Variants in KLHL36 observed in about 807,000 individuals in gnomAD.
KLHL36 encodes the protein kelch-like protein 36.
A neutral mutation model predicts 53.3 loss-of-function variants in KLHL36; 35 were observed. That is an observed-to-expected ratio of 0.66 (90% CI 0.50 to 0.87). KLHL36 has a LOEUF of 0.87. Among genes scored for constraint, KLHL36 ranks in the 40% least tolerant of loss-of-function variants. KLHL36 has a pLI of 0.00. For synonymous variants in KLHL36, 472 were observed against 398.9 expected (o/e 1.18, Z -2.18); for missense variants, 864 against 897.6 (o/e 0.96, Z 0.48).
rs1907820332 is a variant in KLHL36, at chr16:84,666,111, C to G, written c.*3978C>G. ...TAAATGCCTGGAGTATAGGGCAGCG[C>G]CACGGGCACTTGGAGACCCTGTCCT... On this transcript the variant is annotated 3_prime_UTR_variant, in exon 5 of 5. Transcript: ENST00000564996. 1 of 152,228 alleles carries G rather than the reference C, an allele frequency of 6.6e-6. No homozygotes were observed. The highest frequency in any genetic ancestry group is 2.1e-4 in the South Asian group (1 of 4,828). The allele number at this position is 152,228 out of a possible 1,614,324, so 9.4% of individuals were successfully genotyped here. A position where few individuals can be genotyped will look rare whatever the true frequency, so the allele number is the denominator to read the frequency against.
At chr16:84,650,787 G>C (rs919988503) in intron 1 of KLHL36, 65 bp from the exon 2 acceptor site, 5 of 1,160,412 alleles carry the variant, frequency 4.3e-6, no homozygotes, top group Non-Finnish European at 3.8e-6. Context: ...CTGCTAGCAG[G>C]GCCTGAAATT....
intron 1 of KLHL36, among the ~76,000 whole-genome samples, chr16:84,649,628 G>A (rs2150715966): frequency 6.6e-6 from 1 of 152,358 alleles, no homozygotes; most frequent in East Asian, 1.9e-4. Flanking sequence ...TTGTCACAAA[G>A]TTTCTAGTTT....
intron 3 of KLHL36, chr16:84,658,361 G>C (rs1234354681): frequency 1.3e-5 from 2 of 157,318 alleles, no homozygotes; most frequent in African/African-American, 4.8e-5. Flanking sequence ...CTACCCTATT[G>C]GACAGTAGCA....
Position 84,661,709 on chromosome 16 carries a change from G to A in KLHL36, c.1427G>A (p.Arg476Gln), listed in dbSNP as rs550431661. The change falls in exon 5 of 5, where the codon CGG (arginine) becomes CAG (glutamine). Residue 476 changes from arginine to glutamine, a missense_variant. Arg to Gln is a conservative substitution (Grantham distance 43). Coordinates refer to ENST00000564996, the MANE Select transcript of KLHL36 (RefSeq NM_024731.4). This position sits in a 1 kb window ranked among gnomAD's most constrained non-coding sequence, Gnocchi z 7.9. ...YDHRTDVWEE[R>Q]RPMTTARGWH... ...CACCGGACAGACGTGTGGGAGGAGC[G>A]GCGGCCCATGACCACGGCGCGCGGC... is the stretch of plus-strand genomic sequence containing the variant. The A allele has an allele frequency of 4.6e-5, 74 of 1,613,552 alleles. No individual in the cohort carries two copies. The highest frequency in any genetic ancestry group is 8.3e-5 in the Admixed American group (5 of 60,026).
intron 2 of KLHL36, among the ~76,000 whole-genome samples, chr16:84,653,984 G>A (rs1167850431): frequency 6.6e-6 from 1 of 152,208 alleles, no homozygotes; most frequent in Non-Finnish European, 1.5e-5. Flanking sequence ...CAGAAACCCA[G>A]TTTTGGAAAC....
Position 84,663,608 on chromosome 16 carries a change from C to T in KLHL36, c.*1475C>T, listed in dbSNP as rs945194286. ...CAATCCTAGTCTAACACCAGTCTTC[C>T]TGCAGACAGTTCCGAGAGCAGGTCT... On this transcript the variant is annotated 3_prime_UTR_variant, in exon 5 of 5. Coordinates refer to ENST00000564996, the MANE Select transcript of KLHL36 (RefSeq NM_024731.4). 6.6e-6 allele frequency: 1 copy of T among 152,192 alleles called. No individual in the cohort carries two copies. Among genetic ancestry groups the T allele is most frequent in the South Asian group, 2.1e-4 (1 of 4,830 alleles). The allele number at this position is 152,192 out of a possible 1,614,324, so 9.4% of individuals were successfully genotyped here. A position where few individuals can be genotyped will look rare whatever the true frequency, so the allele number is the denominator to read the frequency against.
At chr16:84,656,574 G>A (rs1168438385) in intron 2 of KLHL36, among the ~76,000 whole-genome samples, 3 of 149,720 alleles carry the variant, frequency 2.0e-5, no homozygotes, top group Admixed American at 6.7e-5. Flanking sequence ...AGAGGTTGCA[G>A]TGAGCTGAGG....
Position 84,657,456 on chromosome 16 carries a change from T to C in KLHL36, c.649T>C (p.Trp217Arg), listed in dbSNP as rs779820633. The C allele has an allele frequency of 2.5e-6, 4 of 1,606,732 alleles. No homozygotes were observed. Among genetic ancestry groups the C allele is most frequent in the Non-Finnish European group, 3.4e-6 (4 of 1,179,930 alleles). The change falls in exon 3 of 5, where the codon TGG becomes CGG. Residue 217 changes from tryptophan (W) to arginine (R), a missense_variant. Physicochemically the swap from Trp to Arg is moderately radical, Grantham distance 101. Coordinates refer to ENST00000564996, the MANE Select transcript of KLHL36 (RefSeq NM_024731.4). ...CGACCTCCTGCAGGCCGCCCTGCAG[T>C]GGCTGACGCAGCAGCCCGAGCGCGA... ...EHDLLQAALQWLTQQPEREAH... is the reference protein window; with the variant it reads ...EHDLLQAALQRLTQQPEREAH...
rs763915614 is a variant in KLHL36, at chr16:84,659,879, C to G, written c.1257C>G (p.Pro419=). Residue 419 remains proline (P), a synonymous_variant, in exon 4 of 5, where the codon CCC becomes CCG. Transcript: ENST00000564996. The part of the protein sequence containing the change: ...GALSSVETYS[P]KTDSWSYVAG... ...TCTCTTCAGTAGAGACGTACAGTCC[C>G]AAGACTGACTCCTGGTCCTATGTGG... The G allele has an allele frequency of 4.3e-6, 7 of 1,613,388 alleles. No individual in the cohort carries two copies. Among genetic ancestry groups the G allele is most frequent in the Non-Finnish European group, 5.9e-6 (7 of 1,179,428 alleles).
In KLHL36 at chr16:84,650,740, T is replaced by C. The variant is rs926638310; in HGVS notation, c.-16-112T>C. On this transcript the variant is annotated intron_variant, in intron 1 of 4. Coordinates refer to ENST00000564996, the MANE Select transcript of KLHL36 (RefSeq NM_024731.4). ...TAGTGCACGGTCCTCCCTCCCTCCT[T>C]CTTCCGTGTGACTGTTTTCACTGTC... 1.5e-5 allele frequency: 11 copies of C among 738,148 alleles called. No individual in the cohort carries two copies. The East Asian group carries it at 2.2e-4, about 15-fold the overall frequency. 45.7% of individuals were successfully genotyped at this position (738,148 alleles called of 1,614,324 possible).
At position 84,663,986 on chromosome 16, in the gene KLHL36, C is replaced by T. The variant is rs550072274; in HGVS notation, c.*1853C>T. ...CTGTTGAGAGGTTCTGCGAGGCATA[C>T]AAACAAACAGACCAAAAGGCTGGAA... On this transcript the variant is annotated 3_prime_UTR_variant, in exon 5 of 5. Coordinates refer to ENST00000564996, the MANE Select transcript of KLHL36 (RefSeq NM_024731.4). The T allele has an allele frequency of 6.6e-6, 1 of 152,326 alleles. No homozygotes were observed. Among genetic ancestry groups the T allele is most frequent in the Admixed American group, 6.5e-5 (1 of 15,296 alleles). The allele number at this position is 152,326 out of a possible 1,614,324, so 9.4% of individuals were successfully genotyped here.
chr16:84,656,640 AAAAAG>A lies in KLHL36; in HGVS notation c.64-227_64-223del, dbSNP rs1307788050. On this transcript the variant is annotated intron_variant, in intron 2 of 4. Coordinates refer to ENST00000564996, the MANE Select transcript of KLHL36 (RefSeq NM_024731.4). The stretch of plus-strand genomic sequence containing the variant: ...GAGCAAGGCTCTGTGTCAAAAAAAA[AAAAAG>A]AAAGAAAGAAAGAAAGAAGTTATAT... Among the ~76,000 whole-genome samples, 299 of 150,526 alleles carry A rather than the reference AAAAAG, an allele frequency of 2.0e-3. 1 individual carries two copies. Among genetic ancestry groups the A allele is most frequent in the African/African-American group, 5.2e-3 (210 of 40,662 alleles).
At chr16:84,656,789 G>T in intron 2 of KLHL36, 82 bp from the exon 3 acceptor site, 1 of 939,882 alleles carries the variant, frequency 1.1e-6, no homozygotes, top group South Asian at 1.6e-5. Flanking sequence ...TCATTTTGTT[G>T]AAAATGCTGG....
rs2150732951 is a variant in KLHL36, at chr16:84,666,403, C to G, written c.*4270C>G. Reference sequence around the variant, plus strand: ...AGTTGCATGCAAAGTTGCATGCAGCCCGTGGGTATGACTGTCTCAGGCCCC... The same window carrying G: ...AGTTGCATGCAAAGTTGCATGCAGCGCGTGGGTATGACTGTCTCAGGCCCC... On this transcript the variant is annotated 3_prime_UTR_variant, in exon 5 of 5. Transcript: ENST00000564996. 1.3e-5 allele frequency: 2 copies of G among 152,184 alleles called. No homozygotes were observed. Among genetic ancestry groups the G allele is most frequent in the East Asian group, 3.9e-4 (2 of 5,170 alleles). The allele number at this position is 152,184 out of a possible 1,614,324, so 9.4% of individuals were successfully genotyped here. A position where few individuals can be genotyped will look rare whatever the true frequency, so the allele number is the denominator to read the frequency against.
chr16:84,651,427 A>G (rs528098608), intron 2 of KLHL36, among the ~76,000 whole-genome samples: 2 of 152,278 alleles, frequency 1.3e-5, no homozygotes, highest in African/African-American at 2.4e-5. Context: ...GAGCCAGGCT[A>G]CTGGGGGAGT....
rs1224890567 is a variant in KLHL36 at position 84,657,728 on chromosome 16, G to C, written c.921G>C (p.Arg307=). 2 of 1,612,494 alleles carry C rather than the reference G, an allele frequency of 1.2e-6. No individual in the cohort carries two copies. The highest frequency in any genetic ancestry group is 1.1e-5 in the South Asian group (1 of 91,050). The change falls in exon 3 of 5, where the codon CGG becomes CGC. Residue 307 remains arginine (R), a synonymous_variant. Transcript: ENST00000564996. The part of the protein sequence containing the change: ...LLFVGGEVSE[R]CLELSDDTCY... ...TTGTGGGCGGCGAGGTCTCCGAGCGGTGTCTGGAGCTCAGTGACGACACCT... is the reference window on the plus strand; with the variant it reads ...TTGTGGGCGGCGAGGTCTCCGAGCGCTGTCTGGAGCTCAGTGACGACACCT...
At chr16:84,656,758 T>C (rs1259824103) in intron 2 of KLHL36, 113 bp from the exon 3 acceptor site, 17 of 751,194 alleles carry the variant, frequency 2.3e-5, no homozygotes, top group East Asian at 7.4e-5. Context: ...TGCAGCATTT[T>C]ATTTCCTGTT....
chr16:84,662,237 G>A lies in KLHL36; in HGVS notation c.*104G>A, dbSNP rs1567562716. ...CGGAAACATTATGTACAACTTAGCA[G>A]CTTTTTTTACTTTTATGATTCTTGG... On this transcript the variant is annotated 3_prime_UTR_variant, in exon 5 of 5. Transcript: ENST00000564996. 2.9e-6 allele frequency: 3 copies of A among 1,048,694 alleles called. No homozygotes were observed. Among genetic ancestry groups the A allele is most frequent in the Non-Finnish European group, 4.0e-6 (3 of 749,864 alleles). 65.0% of individuals were successfully genotyped at this position (1,048,694 alleles called of 1,614,324 possible). A position where few individuals can be genotyped will look rare whatever the true frequency, so the allele number is the denominator to read the frequency against.
rs142979089 is a variant in KLHL36, at chr16:84,661,487, C to T, written c.1296-91C>T. ...CCTATATTCTTAAATCCTCATGGCCCTCTAAGACGGCAGGCTGTTCCCCGG... is the reference window on the plus strand; with the variant it reads ...CCTATATTCTTAAATCCTCATGGCCTTCTAAGACGGCAGGCTGTTCCCCGG... On this transcript the variant is annotated intron_variant, in intron 4 of 4. Coordinates refer to ENST00000564996, the MANE Select transcript of KLHL36 (RefSeq NM_024731.4). The surrounding 1 kb of genome is among the most constrained non-coding windows in gnomAD (Gnocchi z 7.9). 1,322 of 1,311,006 alleles carry T rather than the reference C, an allele frequency of 1.0e-3. 8 individuals are homozygous for T. The African/African-American group carries it at 0.017, about 17-fold the overall frequency. 81.2% of individuals were successfully genotyped at this position (1,311,006 alleles called of 1,614,324 possible).
Sources: gnomAD v4.1 joint callset for allele counts (sites outside exome capture counted in the v4.1 genomes callset) on GRCh38, gnomAD v4.1.1 for gene constraint, Gnocchi (gnomAD v3.1) non-coding constraint, MANE v1.5 for transcripts, NCBI Gene and HGNC (gene_info 2026-07-23, HGNC 2026-07-21) for gene names.